Variants in ZFPM2 observed in about 807,000 individuals in gnomAD.
ZFPM2 encodes the protein zinc finger protein ZFPM2.
Under a neutral mutation model 98.6 loss-of-function variants are expected in ZFPM2, and 20 were observed. The ratio of observed to expected loss-of-function variants is 0.20; its 90% CI spans 0.14 to 0.29. The LOEUF (loss-of-function observed/expected upper bound fraction) is 0.29, where lower values mean the gene tolerates loss of function less well. ZFPM2 is among the 10% of genes least tolerant of loss of function. The pLI is 1.00. For synonymous variants in ZFPM2, 518 were observed against 502.7 expected (o/e 1.03, Z -0.41); for missense variants, 1,310 against 1,388.6 (o/e 0.94, Z 0.90).
At chr8:105,620,094 G>C (rs1205172348) in intron 4 of ZFPM2, among the ~76,000 whole-genome samples, 1 of 152,122 alleles carries the variant, frequency 6.6e-6, no homozygotes, top group African/African-American at 2.4e-5. Context: ...CTAGATCCTT[G>C]AGGAATCGCC....
chr8:105,793,793 T>G (rs961969421), intron 6 of ZFPM2, among the ~76,000 whole-genome samples: 2 of 149,824 alleles, frequency 1.3e-5, no homozygotes, highest in African/African-American at 5.1e-5. Context: ...TTCTTTTTAT[T>G]CTTTTTTCTC....
At chr8:105,378,414 TG>T (rs1286814836) in intron 1 of ZFPM2, among the ~76,000 whole-genome samples, 1 of 152,212 alleles carries the variant, frequency 6.6e-6, no homozygotes, top group African/African-American at 2.4e-5. Flanking sequence ...CAGAAGGTTT[TG>T]CCCCTATCTG....
intron 3 of ZFPM2, among the ~76,000 whole-genome samples, chr8:105,461,893 C>A (rs558858181): frequency 5.6e-4 from 85 of 152,020 alleles, no homozygotes; most frequent in Non-Finnish European, 1.1e-3. Context: ...AATTAAGCAG[C>A]CTGGTCTCCG....
At chr8:105,789,039 T>G in intron 6 of ZFPM2, 115 bp downstream of exon 6, 1 of 795,566 alleles carries the variant, frequency 1.3e-6, no homozygotes, top group East Asian at 2.8e-5. Context: ...TGTTGTGGTT[T>G]CATTTTATCT....
intron 5 of ZFPM2, among the ~76,000 whole-genome samples, chr8:105,774,887 A>G (rs1269248805): frequency 6.6e-6 from 1 of 151,990 alleles, no homozygotes; most frequent in Non-Finnish European, 1.5e-5. Flanking sequence ...AGAAACCTCT[A>G]AGTGCTTGAG....
At chr8:105,581,766 CT>C (rs760409885) in intron 4 of ZFPM2, among the ~76,000 whole-genome samples, 93 of 152,336 alleles carry the variant, frequency 6.1e-4, no homozygotes, top group Non-Finnish European at 1.1e-3. Flanking sequence ...ATGCCATAAA[CT>C]ATGATTCTCA....
At chr8:105,621,425 G>A (rs1046697708) in intron 4 of ZFPM2, among the ~76,000 whole-genome samples, 1 of 152,042 alleles carries the variant, frequency 6.6e-6, no homozygotes, top group African/African-American at 2.4e-5. Flanking sequence ...GGAGGTTTGG[G>A]GCTGAGACTA....
At chr8:105,410,896 T>C (rs1468914246) in intron 1 of ZFPM2, among the ~76,000 whole-genome samples, 1 of 151,842 alleles carries the variant, frequency 6.6e-6, no homozygotes, top group Non-Finnish European at 1.5e-5. Flanking sequence ...GTTTTTGTTG[T>C]GGTAGCATTT....
rs550129498 is a variant in ZFPM2, at chr8:105,408,550, A to G, written c.41-10594A>G. ...CTGTCGGAGGTTTTCTTCATCCCCT[A>G]AAGATGAAAGAGATCTCTCACAATG... On this transcript the variant is annotated intron_variant, in intron 1 of 7. Coordinates refer to ENST00000407775, the MANE Select transcript of ZFPM2 (RefSeq NM_012082.4). 1.6e-3 allele frequency among the ~76,000 whole-genome samples: 243 copies of G among 152,002 alleles called. 4 individuals carry two copies. The highest frequency in any genetic ancestry group is 0.01 in the Middle Eastern group (3 of 294).
intron 5 of ZFPM2, among the ~76,000 whole-genome samples, chr8:105,770,644 A>G (rs999820240): frequency 1.3e-5 from 2 of 152,096 alleles, no homozygotes; most frequent in African/African-American, 4.8e-5. Context: ...TGTTATTTAG[A>G]TAGTAAGTAA....
At chr8:105,425,352 A>T (rs1298144210) in intron 2 of ZFPM2, among the ~76,000 whole-genome samples, 1 of 152,190 alleles carries the variant, frequency 6.6e-6, no homozygotes, top group African/African-American at 2.4e-5. Context: ...GTCAGGGGAT[A>T]CAGATAACTC....
intron 5 of ZFPM2, among the ~76,000 whole-genome samples, chr8:105,644,889 CT>C (rs900500696): frequency 6.6e-6 from 1 of 152,162 alleles, no homozygotes; most frequent in African/African-American, 2.4e-5. Context: ...GCCTTACCTC[CT>C]AATGCCATCA....
rs1813445848 is a variant in ZFPM2, at chr8:105,787,414, C to T, written c.533-1304C>T. ...AGTCTTAACTTTATTTTTTAACAAT[C>T]ATATACTCTCACAGATGGTGTTTTG... On this transcript the variant is annotated intron_variant, in intron 5 of 7. Transcript: ENST00000407775. 2.0e-5 allele frequency: 3 copies of T among 152,280 alleles called. No individual in the cohort carries two copies. The South Asian group carries it at 6.2e-4, about 32-fold the overall frequency. 9.4% of individuals were successfully genotyped at this position (152,280 alleles called of 1,614,324 possible).
chr8:105,376,269 TGGC>T (rs1810723411), intron 1 of ZFPM2, among the ~76,000 whole-genome samples: 1 of 152,194 alleles, frequency 6.6e-6, no homozygotes, highest in East Asian at 1.9e-4. Context: ...CCCATTTGAA[TGGC>T]TACTTCTCAG....
At chr8:105,461,953 G>A (rs1392094681) in intron 3 of ZFPM2, among the ~76,000 whole-genome samples, 1 of 152,090 alleles carries the variant, frequency 6.6e-6, no homozygotes, top group Non-Finnish European at 1.5e-5. Flanking sequence ...CATACAATGA[G>A]CTCTTCTTGA....
intron 3 of ZFPM2, among the ~76,000 whole-genome samples, chr8:105,515,041 C>T (rs1274255861): frequency 6.6e-6 from 1 of 151,556 alleles, no homozygotes; most frequent in Non-Finnish European, 1.5e-5. Context: ...ACATTATCAT[C>T]TTTAGTAACT....
chr8:105,562,600 T>G lies in ZFPM2; in HGVS notation c.420+1119T>G, dbSNP rs564615843. Among the ~76,000 whole-genome samples the G allele has an allele frequency of 4.6e-5, 7 of 152,228 alleles. No homozygotes were observed. In the South Asian group the frequency reaches 1.5e-3, roughly 32 times the overall value. ...GAATCTGTTTTCTTCCTTTTCCAGT[T>G]TCTGAGGGCTGCCCGTGGCCCTTCC... On this transcript the variant is annotated intron_variant, in intron 4 of 7. Coordinates refer to ENST00000407775, the MANE Select transcript of ZFPM2 (RefSeq NM_012082.4).
At chr8:105,551,627 A>G (rs1814855449) in intron 3 of ZFPM2, among the ~76,000 whole-genome samples, 1 of 152,046 alleles carries the variant, frequency 6.6e-6, no homozygotes, top group South Asian at 2.1e-4. Flanking sequence ...TTCCCTTGTC[A>G]TTTATTCATC....
intron 5 of ZFPM2, among the ~76,000 whole-genome samples, chr8:105,660,145 T>C (rs1817360193): frequency 6.6e-6 from 1 of 152,116 alleles, no homozygotes. Context: ...CAAGTACATT[T>C]TTTTTTTTAT....
Sources: allele counts gnomAD v4.1 joint callset (sites outside exome capture counted in the v4.1 genomes callset), GRCh38; gene constraint gnomAD v4.1.1; transcripts MANE v1.5; gene names NCBI Gene and HGNC (gene_info 2026-07-23, HGNC 2026-07-21).